TRMT10A: variants seen among roughly 807,000 people sequenced by gnomAD.
TRMT10A encodes the protein tRNA methyltransferase 10 homolog A.
A neutral mutation model predicts 40.4 loss-of-function variants in TRMT10A; 37 were observed. The observed-to-expected ratio is 0.92, with a 90% confidence interval of 0.71 to 1.21. The LOEUF is 1.21. TRMT10A is among the 50% of genes most tolerant of loss of function. TRMT10A has a pLI of 0.00. For synonymous variants in TRMT10A, 103 were observed against 134.1 expected (o/e 0.77, Z 1.60); for missense variants, 388 against 404.3 (o/e 0.96, Z 0.35).
chr4:99,549,501 G>A (rs1723881614), intron 7 of TRMT10A, 145 bp from the exon 8 acceptor site: 1 of 1,127,160 alleles, frequency 8.9e-7, no homozygotes, highest in Non-Finnish European at 1.2e-6. Context: ...TCTATTGTCT[G>A]TCAAGCCCAA....
Position 99,556,212 on chromosome 4 carries a change from C to G in TRMT10A, c.429G>C (p.Leu143Phe). Reference sequence around the variant, plus strand: ...TTTTCAGCTGGCCTCCGTGGCTTGTCAAGTAAAACTGATAAAAGATTTGTA... The same window carrying G: ...TTTTCAGCTGGCCTCCGTGGCTTGTGAAGTAAAACTGATAAAAGATTTGTA... The part of the protein sequence containing the change: ...RRALHPVQFY[L>F]TSHGGQLKKN... Residue 143 changes from leucine (L) to phenylalanine (F), a missense_variant, in exon 5 of 8, where the codon TTG becomes TTC. Transcript: ENST00000394876. The G allele has an allele frequency of 6.2e-7, 1 of 1,612,990 alleles. No homozygotes were observed.
intron 2 of TRMT10A, 85 bp downstream of exon 2, chr4:99,559,069 C>T (rs1003629861): frequency 2.3e-6 from 3 of 1,289,596 alleles, no homozygotes; most frequent in African/African-American, 3.0e-5. Context: ...AACACAATTA[C>T]ATTTAATATG....
In TRMT10A at chr4:99,559,268, T is replaced by G; in HGVS notation, c.71A>C (p.Asp24Ala). The change falls in exon 2 of 8, where the codon GAT (aspartate) becomes GCT (alanine). Residue 24 changes from aspartate (D) to alanine (A), a missense_variant. Coordinates refer to ENST00000394876, the MANE Select transcript of TRMT10A (RefSeq NM_001134665.3). Reference sequence around the variant, plus strand: ...TCTTGGCTTCTGGCTCTCCTCTTGATCTTCATTTATGCCTTGCTTTTTGTC... The same window carrying G: ...TCTTGGCTTCTGGCTCTCCTCTTGAGCTTCATTTATGCCTTGCTTTTTGTC... The part of the protein sequence containing the change: ...NVDKKQGINE[D>A]QEESQKPRLG... 6.2e-7 allele frequency: 1 copy of G among 1,613,596 alleles called. No homozygotes were observed. The highest frequency in any genetic ancestry group is 1.1e-5 in the South Asian group (1 of 91,046).
intron 5 of TRMT10A, among the ~76,000 whole-genome samples, chr4:99,555,753 C>T (rs1342695086): frequency 2.0e-5 from 3 of 152,110 alleles, no homozygotes; most frequent in African/African-American, 7.2e-5. Flanking sequence ...TCAATAGCCA[C>T]ATGTGGATAG....
intron 6 of TRMT10A, among the ~76,000 whole-genome samples, chr4:99,551,303 C>T (rs1277645570): frequency 1.3e-5 from 2 of 152,144 alleles, no homozygotes; most frequent in Admixed American, 6.6e-5. Context: ...GCTCACATAT[C>T]TCCTAACTCA....
intron 4 of TRMT10A, among the ~76,000 whole-genome samples, chr4:99,556,939 C>T (rs1258426380): frequency 6.6e-6 from 1 of 152,108 alleles, no homozygotes; most frequent in Non-Finnish European, 1.5e-5. Context: ...AACTAAAAAC[C>T]TTTAAGTAGA....
At chr4:99,558,938 A>T (rs927597034) in intron 2 of TRMT10A, among the ~76,000 whole-genome samples, 10 of 152,180 alleles carry the variant, frequency 6.6e-5, no homozygotes, top group African/African-American at 9.6e-5. Context: ...AAACAATTTT[A>T]AAAAATAGTT....
chr4:99,553,964 A>G (rs2110186810), intron 5 of TRMT10A, 30 bp from the exon 6 acceptor site: 1 of 1,601,912 alleles, frequency 6.2e-7, no homozygotes, highest in East Asian at 2.2e-5. Flanking sequence ...GAGGTTACTA[A>G]TTAATAAGAC....
chr4:99,563,695 C>G, intron 1 of TRMT10A: 1 of 367,604 alleles, frequency 2.7e-6, no homozygotes, highest in South Asian at 2.1e-5. Context: ...ATTAAGCTGT[C>G]TCTGGCGAAC....
intron 7 of TRMT10A, among the ~76,000 whole-genome samples, chr4:99,549,889 A>G (rs1723894781): frequency 6.6e-6 from 1 of 152,206 alleles, no homozygotes; most frequent in Non-Finnish European, 1.5e-5. Context: ...AGTAATTTCT[A>G]CTATATATCA....
intron 1 of TRMT10A, among the ~76,000 whole-genome samples, chr4:99,561,011 C>T (rs1724368131): frequency 1.3e-5 from 2 of 149,826 alleles, no homozygotes; most frequent in Admixed American, 1.3e-4. Flanking sequence ...AGTGCAGTGG[C>T]GCGATCTCCG....
At chr4:99,553,736 A>G (rs759787661) in intron 6 of TRMT10A, 49 bp downstream of exon 6, 16 of 1,537,258 alleles carry the variant, frequency 1.0e-5, no homozygotes, top group South Asian at 6.0e-5. Flanking sequence ...AAATGGTGAT[A>G]TATCAATTTT....
intron 5 of TRMT10A, 33 bp from the exon 6 acceptor site, chr4:99,553,967 A>C: frequency 6.3e-7 from 1 of 1,591,708 alleles, no homozygotes; most frequent in Non-Finnish European, 8.5e-7. Context: ...GTTACTAATT[A>C]ATAAGACCTT....
At chr4:99,550,779 G>T (rs928862273) in intron 7 of TRMT10A, 106 bp downstream of exon 7, 3 of 711,844 alleles carry the variant, frequency 4.2e-6, no homozygotes, top group South Asian at 2.0e-5. Flanking sequence ...TTACAATTTT[G>T]TCTCCAGGAA....
At chr4:99,562,921 A>G (rs980165532) in intron 1 of TRMT10A, among the ~76,000 whole-genome samples, 1 of 151,964 alleles carries the variant, frequency 6.6e-6, no homozygotes, top group African/African-American at 2.4e-5. Flanking sequence ...TTCTGGGTTC[A>G]AGTAGTTCTC....
chr4:99,558,543 T>C (rs1168592061), intron 2 of TRMT10A, among the ~76,000 whole-genome samples: 2 of 152,108 alleles, frequency 1.3e-5, no homozygotes, highest in Non-Finnish European at 2.9e-5. Flanking sequence ...ATTTTCATAA[T>C]TTACCTATAT....
In TRMT10A at chr4:99,553,817, T is replaced by C; in HGVS notation, c.613A>G (p.Ile205Val). Residue 205 changes from isoleucine (I) to valine (V), a missense_variant, in exon 6 of 8, where the codon ATT becomes GTT. By Grantham distance (29) the Ile-to-Val change is conservative. Transcript: ENST00000394876. ...TGGTTGTGATCTACTAATCCTCCAATCACATAGGCCTTTGATTCATCTAAT... is the reference window on the plus strand; with the variant it reads ...TGGTTGTGATCTACTAATCCTCCAACCACATAGGCCTTTGATTCATCTAAT... ...KELDESKAYV[I>V]GGLVDHNHHK... The C allele has an allele frequency of 6.2e-7, 1 of 1,612,506 alleles. No individual in the cohort carries two copies. Among genetic ancestry groups the C allele is most frequent in the Non-Finnish European group, 8.5e-7 (1 of 1,179,548 alleles).
intron 4 of TRMT10A, 136 bp downstream of exon 4, chr4:99,557,208 CA>C (rs200673558): frequency 3.6e-4 from 252 of 701,126 alleles, no homozygotes; most frequent in African/African-American, 3.6e-3. Flanking sequence ...TCATTTCTGT[CA>C]AAAAAATTTT....
intron 4 of TRMT10A, 30 bp from the exon 5 acceptor site, chr4:99,556,250 G>A: frequency 6.4e-7 from 1 of 1,571,494 alleles, no homozygotes; most frequent in Non-Finnish European, 8.7e-7. Flanking sequence ...TATAGAAAAA[G>A]AGAACAAATG....
Sources: allele counts gnomAD v4.1 joint callset (sites outside exome capture counted in the v4.1 genomes callset), GRCh38; gene constraint gnomAD v4.1.1; transcripts MANE v1.5; gene names NCBI Gene and HGNC (gene_info 2026-07-23, HGNC 2026-07-21).